The following SINHCAF variants were observed in gnomAD, a reference collection of about 807,000 sequenced individuals.
SINHCAF encodes the protein SIN3-HDAC complex-associated factor.
In SINHCAF, 3 loss-of-function variants were observed where a neutral mutation model predicts 25.8. The ratio of observed to expected loss-of-function variants is 0.12; its 90% CI spans 0.05 to 0.30. The LOEUF (loss-of-function observed/expected upper bound fraction) is 0.30. Among genes scored for constraint, SINHCAF ranks in the 10% least tolerant of loss-of-function variants. The pLI, the probability that SINHCAF is intolerant of heterozygous loss-of-function variation, is 1.00. For missense variants in SINHCAF, 121 were observed against 262.3 expected (o/e 0.46, Z 3.72); for synonymous variants, 70 against 85.5 (o/e 0.82, Z 1.00).
chr12:31,324,239 C>T lies in SINHCAF; in HGVS notation c.-21+1785G>A, dbSNP rs1939851314. 1 of 199,972 alleles carries T rather than the reference C, an allele frequency of 5.0e-6. No homozygotes were observed. The highest frequency in any genetic ancestry group is 8.8e-5 in the South Asian group (1 of 11,368). 12.4% of individuals were successfully genotyped at this position (199,972 alleles called of 1,614,324 possible). On this transcript the variant is annotated intron_variant, in intron 1 of 5. Coordinates refer to ENST00000337682, the MANE Select transcript of SINHCAF (RefSeq NM_001135812.2). This position sits in a 1 kb window ranked among gnomAD's most constrained non-coding sequence, Gnocchi z 5.5. ...CGCCGCGCTGCCGGGGCTTGTTCCT[C>T]CTCATGGCTTTGCCCTGACGTAATT...
chr12:31,288,214 CAACAA>C (rs1938156508), intron 4 of SINHCAF, among the ~76,000 whole-genome samples: 1 of 151,964 alleles, frequency 6.6e-6, no homozygotes, highest in Non-Finnish European at 1.5e-5. Flanking sequence ...AAAACAACAA[CAACAA>C]AACAAAAATC....
rs1440154681 is a variant in SINHCAF at position 31,282,067 on chromosome 12, G to A, written c.*645C>T. On this transcript the variant is annotated 3_prime_UTR_variant, in exon 6 of 6. Transcript: ENST00000337682. Reference sequence around the variant, plus strand: ...TTTATTATCATGAGGGAAAACAAGAGTAGCCAGCCATCTTAAAAATGCCCC... The same window carrying A: ...TTTATTATCATGAGGGAAAACAAGAATAGCCAGCCATCTTAAAAATGCCCC... 6.6e-6 allele frequency: 1 copy of A among 152,490 alleles called. No individual in the cohort carries two copies. Among genetic ancestry groups the A allele is most frequent in the Non-Finnish European group, 1.5e-5 (1 of 68,014 alleles). The allele number at this position is 152,490 out of a possible 1,614,324, so 9.4% of individuals were successfully genotyped here. A position where few individuals can be genotyped will look rare whatever the true frequency, so the allele number is the denominator to read the frequency against.
chr12:31,292,568 G>C (rs1422857232), intron 4 of SINHCAF, among the ~76,000 whole-genome samples: 1 of 151,886 alleles, frequency 6.6e-6, no homozygotes, highest in Non-Finnish European at 1.5e-5. Flanking sequence ...TTAGGGAGAT[G>C]GGGGGTTGAG....
Position 31,295,255 on chromosome 12 carries a change from T to A in SINHCAF, c.207A>T (p.Gly69=). ...LVKRWKKLPA[G]SKKNWNHVVD... ...TAACATGATTCCAGTTTTTTTTTGA[T>A]CCTGCTGGCAACTTCTTCCATCTTT... Residue 69 remains glycine (G), a synonymous_variant, in exon 3 of 6, where the codon GGA becomes GGT. Transcript: ENST00000337682. 3 of 1,609,780 alleles carry A rather than the reference T, an allele frequency of 1.9e-6. No individual in the cohort carries two copies. Among genetic ancestry groups the A allele is most frequent in the Non-Finnish European group, 2.5e-6 (3 of 1,178,136 alleles).
intron 1 of SINHCAF, among the ~76,000 whole-genome samples, chr12:31,309,558 G>C (rs1939177110): frequency 6.6e-6 from 1 of 151,956 alleles, no homozygotes; most frequent in Non-Finnish European, 1.5e-5. Context: ...AAAAGTTGAA[G>C]TTTAAAAGGA....
chr12:31,290,639 T>C (rs1938272675), intron 4 of SINHCAF, among the ~76,000 whole-genome samples: 1 of 152,220 alleles, frequency 6.6e-6, no homozygotes, highest in Admixed American at 6.5e-5. Flanking sequence ...TCTATGCTGC[T>C]GAGGAAAACT....
At chr12:31,320,764 GA>G (rs950746918) in intron 1 of SINHCAF, among the ~76,000 whole-genome samples, 5 of 151,692 alleles carry the variant, frequency 3.3e-5, no homozygotes, top group African/African-American at 7.3e-5. Flanking sequence ...ACTTTTGCAG[GA>G]AAAAAAACCT....
At chr12:31,323,863 G>A (rs1267176229) in intron 1 of SINHCAF, 1 of 439,488 alleles carries the variant, frequency 2.3e-6, no homozygotes, top group South Asian at 1.6e-5. Context: ...CGGCTGGGGA[G>A]GAGGTGCTCG....
At chr12:31,287,876 GGTAAAAAAGAAAAA>G in intron 4 of SINHCAF, 92 bp from the exon 5 acceptor site, 1 of 828,708 alleles carries the variant, frequency 1.2e-6, no homozygotes, top group Non-Finnish European at 1.7e-6. Flanking sequence ...TGAAAGAGTT[GGTAAAAAAGAAAAA>G]GTAAAAAATA....
chr12:31,318,444 A>T (rs1342833638), intron 1 of SINHCAF, among the ~76,000 whole-genome samples: 1 of 152,212 alleles, frequency 6.6e-6, no homozygotes, highest in African/African-American at 2.4e-5. Context: ...CTGAGAAATT[A>T]TATGGTAAAG....
At chr12:31,309,415 G>A (rs759321506) in intron 1 of SINHCAF, among the ~76,000 whole-genome samples, 73 of 152,260 alleles carry the variant, frequency 4.8e-4, no homozygotes, top group Non-Finnish European at 8.1e-4. Flanking sequence ...TTTACGTTAA[G>A]CAAGGGATTC....
At chr12:31,289,244 AC>A (rs1473977243) in intron 4 of SINHCAF, among the ~76,000 whole-genome samples, 2 of 152,170 alleles carry the variant, frequency 1.3e-5, no homozygotes, top group African/African-American at 4.8e-5. Flanking sequence ...GTGAAAAAGT[AC>A]TCAAATATAG....
At chr12:31,299,923 C>T (rs1938718521) in intron 1 of SINHCAF, among the ~76,000 whole-genome samples, 1 of 152,040 alleles carries the variant, frequency 6.6e-6, no homozygotes, top group Non-Finnish European at 1.5e-5. Context: ...ATGCCGTGGG[C>T]AACTGTAATA....
chr12:31,321,483 C>T (rs1939691159), intron 1 of SINHCAF, among the ~76,000 whole-genome samples: 1 of 152,148 alleles, frequency 6.6e-6, no homozygotes, highest in Non-Finnish European at 1.5e-5. Flanking sequence ...TCAGTTTTAT[C>T]TTCTGTAAAA....
chr12:31,290,563 G>A (rs368529440), intron 4 of SINHCAF, among the ~76,000 whole-genome samples: 1 of 152,012 alleles, frequency 6.6e-6, no homozygotes, highest in East Asian at 1.9e-4. Flanking sequence ...AAGAGTAGCA[G>A]GTTTTAAAAA....
At chr12:31,316,183 T>TAAA (rs953144834) in intron 1 of SINHCAF, among the ~76,000 whole-genome samples, 1 of 141,936 alleles carries the variant, frequency 7.0e-6, no homozygotes, top group East Asian at 2.0e-4. Context: ...AAATAAAAAA[T>TAAA]AAAAAAAAAA....
At chr12:31,298,579 G>C (rs575941685) in intron 1 of SINHCAF, 15 of 262,928 alleles carry the variant, frequency 5.7e-5, no homozygotes, top group African/African-American at 3.1e-4. Flanking sequence ...AATTAAGGAT[G>C]CATCCTTAAA....
intron 1 of SINHCAF, chr12:31,323,930 C>T: frequency 2.2e-6 from 1 of 455,584 alleles, no homozygotes; most frequent in South Asian, 1.6e-5. Context: ...CTCCCAGGGC[C>T]CTCGGGTCCC....
intron 1 of SINHCAF, among the ~76,000 whole-genome samples, chr12:31,299,435 G>A (rs1592969896): frequency 6.6e-6 from 1 of 151,978 alleles, no homozygotes; most frequent in East Asian, 1.9e-4. Flanking sequence ...TCCTGCCTCA[G>A]CCTCCCTAGT....
Sources: allele counts gnomAD v4.1 joint callset (sites outside exome capture counted in the v4.1 genomes callset), GRCh38; gene constraint gnomAD v4.1.1; non-coding constraint Gnocchi (gnomAD v3.1); transcripts MANE v1.5; gene names NCBI Gene and HGNC (gene_info 2026-07-23, HGNC 2026-07-21).